The following ACKR3 variants were observed in gnomAD, a reference collection of about 807,000 sequenced individuals.
ACKR3 encodes atypical chemokine receptor 3.
ACKR3 carries 6 observed loss-of-function variants against 22.4 expected under a neutral mutation model. The observed-to-expected ratio is 0.27, with a 90% confidence interval of 0.15 to 0.53. The LOEUF (loss-of-function observed/expected upper bound fraction) is 0.53, where lower values mean the gene tolerates loss of function less well. Among genes scored for constraint, ACKR3 ranks in the 20% least tolerant of loss-of-function variants. ACKR3 has a pLI of 0.96. For synonymous variants in ACKR3, 209 were observed against 205.2 expected (o/e 1.02, Z -0.16); for missense variants, 396 against 475.2 (o/e 0.83, Z 1.55).
Position 236,581,710 on chromosome 2 carries a change from C to T in ACKR3, c.*156C>T. The T allele has an allele frequency of 1.0e-6, 1 of 960,330 alleles. No homozygotes were observed. The highest frequency in any genetic ancestry group is 1.5e-6 in the Non-Finnish European group (1 of 657,632). The allele number at this position is 960,330 out of a possible 1,614,324, so 59.5% of individuals were successfully genotyped here. ...CCCCCTGCATCCATTCTCTCTTTCT[C>T]TTGATGACGCAGCTGTCATTTGGCT... On this transcript the variant is annotated 3_prime_UTR_variant, in exon 2 of 2. Transcript: ENST00000272928. The surrounding 1 kb of genome is among the most constrained non-coding windows in gnomAD (Gnocchi z 4.4).
chr2:236,538,241 T>G, the ACKR3 span, among the ~76,000 whole-genome samples: 20,254 of 152,212 alleles, frequency 0.13, 1,990 homozygotes, highest in African/African-American at 0.27. Context: ...GATTAACTGT[T>G]ATTGAGTGTG....
the ACKR3 span, among the ~76,000 whole-genome samples, chr2:236,553,319 G>A: frequency 6.6e-6 from 1 of 152,234 alleles, no homozygotes; most frequent in African/African-American, 2.4e-5. Context: ...AGATGGAAGA[G>A]CTTGGCTCAT....
chr2:236,548,386 C>T, the ACKR3 span, among the ~76,000 whole-genome samples: 1 of 152,150 alleles, frequency 6.6e-6, no homozygotes, highest in South Asian at 2.1e-4. This position sits in a 1 kb window ranked among gnomAD's most constrained non-coding sequence, Gnocchi z 4.3. Context: ...TATTTTTGGA[C>T]CACAAAGATG....
At chr2:236,576,033 C>A (rs1399064877) in intron 1 of ACKR3, among the ~76,000 whole-genome samples, 1 of 152,200 alleles carries the variant, frequency 6.6e-6, no homozygotes, top group Non-Finnish European at 1.5e-5. Flanking sequence ...ACCTTAGAAC[C>A]TAAGTGTCAG....
At chr2:236,572,357 G>A (rs1691326409) in intron 1 of ACKR3, among the ~76,000 whole-genome samples, 1 of 152,232 alleles carries the variant, frequency 6.6e-6, no homozygotes, top group South Asian at 2.1e-4. Flanking sequence ...GTGGATGGGG[G>A]CCGAGACTAT....
chr2:236,554,135 C>T, the ACKR3 span, among the ~76,000 whole-genome samples: 1 of 152,118 alleles, frequency 6.6e-6, no homozygotes, highest in Non-Finnish European at 1.5e-5. Context: ...GATATCTGCC[C>T]CTCTCCCTTC....
In ACKR3 at chr2:236,581,392, C is replaced by T. The variant is rs377636426; in HGVS notation, c.927C>T (p.Cys309=). 61 of 1,614,078 alleles carry T rather than the reference C, an allele frequency of 3.8e-5. No homozygotes were observed. The highest frequency in any genetic ancestry group is 2.9e-4 in the African/African-American group (22 of 75,030). The change falls in exon 2 of 2, where the codon TGC becomes TGT. Residue 309 remains cysteine (C), a synonymous_variant. Transcript: ENST00000272928. This position sits in a 1 kb window ranked among gnomAD's most constrained non-coding sequence, Gnocchi z 4.4. ...VTQCLSLVHC[C]VNPVLYSFIN... is the part of the protein sequence containing the mutation. ...AGTGCCTGTCGCTGGTGCACTGCTG[C>T]GTCAACCCTGTCCTCTACAGCTTCA...
chr2:236,572,553 C>T (rs1333323952), intron 1 of ACKR3, among the ~76,000 whole-genome samples: 1 of 152,232 alleles, frequency 6.6e-6, no homozygotes, highest in Admixed American at 6.5e-5. Flanking sequence ...ACAGTGTCCT[C>T]CTGGGAACCC....
the ACKR3 span, among the ~76,000 whole-genome samples, chr2:236,554,178 A>T: frequency 2.0e-5 from 3 of 152,228 alleles, no homozygotes; most frequent in African/African-American, 7.2e-5. Context: ...AGTAAGACAT[A>T]GTCCCTTAAC....
At chr2:236,556,434 T>C in the ACKR3 span, among the ~76,000 whole-genome samples, 1 of 152,026 alleles carries the variant, frequency 6.6e-6, no homozygotes, top group Non-Finnish European at 1.5e-5. Context: ...CTGAATTATC[T>C]AGGTGGAGCC....
chr2:236,567,626 C>T (rs1051473233), upstream of ACKR3, among the ~76,000 whole-genome samples: 1 of 152,228 alleles, frequency 6.6e-6, no homozygotes, highest in Non-Finnish European at 1.5e-5. Flanking sequence ...AGGCCCCAAG[C>T]ACCCAGCTCC....
In ACKR3 at chr2:236,574,098, G is replaced by A. The variant is rs1056948391; in HGVS notation, c.-27+4174G>A. On this transcript the variant is annotated intron_variant, in intron 1 of 1. Transcript: ENST00000272928. This position sits in a 1 kb window ranked among gnomAD's most constrained non-coding sequence, Gnocchi z 5.6. ...GGCCTGCGTGCCTTCCCAATTAGCC[G>A]GCGGGGTCTCGGGGGTTGGGGGGAG... Among the ~76,000 whole-genome samples the A allele has an allele frequency of 5.9e-5, 9 of 152,090 alleles. No homozygotes were observed. The highest frequency in any genetic ancestry group is 9.7e-5 in the African/African-American group (4 of 41,414).
the ACKR3 span, among the ~76,000 whole-genome samples, chr2:236,547,542 G>A: frequency 1.6e-4 from 25 of 152,272 alleles, no homozygotes; most frequent in Non-Finnish European, 2.9e-4. Context: ...ATTCCTTTAA[G>A]TAGTGGAACC....
At chr2:236,548,012 A>G in the ACKR3 span, among the ~76,000 whole-genome samples, 3 of 152,148 alleles carry the variant, frequency 2.0e-5, no homozygotes, top group East Asian at 5.8e-4. The surrounding 1 kb of genome is among the most constrained non-coding windows in gnomAD (Gnocchi z 4.3). Flanking sequence ...TTCCTTCTGG[A>G]ATTGCAATTA....
intron 1 of ACKR3, among the ~76,000 whole-genome samples, chr2:236,578,080 G>A (rs889651099): frequency 6.6e-6 from 1 of 152,252 alleles, no homozygotes; most frequent in African/African-American, 2.4e-5. Context: ...GCCATGTGGG[G>A]AGAGCAAAGG....
Position 236,577,010 on chromosome 2 carries a change from G to C in ACKR3, c.-26-3430G>C, listed in dbSNP as rs115043970. ...CCCTGGAACCTTTGGTGGTGGGAAG[G>C]GAGAGGCCCGTCCAGGCCCCGAGAG... is the stretch of plus-strand genomic sequence containing the variant. On this transcript the variant is annotated intron_variant, in intron 1 of 1. Transcript: ENST00000272928. This position sits in a 1 kb window ranked among gnomAD's most constrained non-coding sequence, Gnocchi z 5.6. Among the ~76,000 whole-genome samples the C allele has an allele frequency of 5.2e-3, 798 of 152,308 alleles. 5 individuals are homozygous for C. The highest frequency in any genetic ancestry group is 0.018 in the African/African-American group (759 of 41,554).
At chr2:236,579,427 C>A (rs868661555) in intron 1 of ACKR3, among the ~76,000 whole-genome samples, 1 of 152,288 alleles carries the variant, frequency 6.6e-6, no homozygotes, top group African/African-American at 2.4e-5. Context: ...GGAGGGATTT[C>A]AGGGCCTTCC....
At chr2:236,545,774 C>G in the ACKR3 span, among the ~76,000 whole-genome samples, 1 of 152,108 alleles carries the variant, frequency 6.6e-6, no homozygotes, top group Non-Finnish European at 1.5e-5. The surrounding 1 kb of genome is among the most constrained non-coding windows in gnomAD (Gnocchi z 5.3). Context: ...GGGGAGAGCT[C>G]ACTGTGTTTT....
the ACKR3 span, among the ~76,000 whole-genome samples, chr2:236,541,568 A>G: frequency 6.6e-6 from 1 of 152,196 alleles, no homozygotes; most frequent in African/African-American, 2.4e-5. Flanking sequence ...GTGTCCTAGC[A>G]CAGACCTGCT....
Sources: allele counts gnomAD v4.1 joint callset (sites outside exome capture counted in the v4.1 genomes callset), GRCh38; gene constraint gnomAD v4.1.1; non-coding constraint Gnocchi (gnomAD v3.1); transcripts MANE v1.5; gene names NCBI Gene and HGNC (gene_info 2026-07-23, HGNC 2026-07-21).